SORCS3: variants seen among roughly 807,000 people sequenced by gnomAD.
The protein encoded by SORCS3 is VPS10 domain-containing receptor SorCS3.
SORCS3 carries 57 observed loss-of-function variants against 146.3 expected under a neutral mutation model. The observed-to-expected ratio is 0.39, with a 90% CI of 0.31 to 0.49. SORCS3 has a LOEUF of 0.49. SORCS3 is among the 20% of genes least tolerant of loss of function. The probability of loss-of-function intolerance (pLI) is 0.92; values close to 1 mark genes in which losing one functional copy is unlikely to be tolerated. For missense variants in SORCS3, 1,341 were observed against 1,575.5 expected, an observed-to-expected ratio of 0.85 and a Z score of 2.52; for synonymous variants, 653 against 618.5, an observed-to-expected ratio of 1.06 and a Z score of -0.83.
chr10:104,995,250 C>T (rs189606874), intron 4 of SORCS3, among the ~76,000 whole-genome samples: 10 of 150,822 alleles, frequency 6.6e-5, no homozygotes, highest in Non-Finnish European at 4.4e-5. Context: ...AACTTTGCCT[C>T]CCGGGTTCAA....
intron 2 of SORCS3, among the ~76,000 whole-genome samples, chr10:104,908,391 A>G (rs932309009): frequency 6.6e-6 from 1 of 152,254 alleles, no homozygotes; most frequent in African/African-American, 2.4e-5. Flanking sequence ...CTTGAGGACA[A>G]TACAATCAGG....
chr10:104,697,348 G>T (rs994348506), intron 1 of SORCS3, among the ~76,000 whole-genome samples: 1 of 152,152 alleles, frequency 6.6e-6, no homozygotes, highest in Non-Finnish European at 1.5e-5. Flanking sequence ...AAGGCTATGT[G>T]CATGCAGCTT....
intron 5 of SORCS3, among the ~76,000 whole-genome samples, chr10:105,052,266 C>T (rs2055418371): frequency 6.6e-6 from 1 of 152,140 alleles, no homozygotes; most frequent in African/African-American, 2.4e-5. Flanking sequence ...CACATCCACT[C>T]ACCTAATCCA....
intron 2 of SORCS3, among the ~76,000 whole-genome samples, chr10:104,844,592 T>G (rs1237586759): frequency 1.3e-5 from 2 of 152,168 alleles, no homozygotes; most frequent in Non-Finnish European, 2.9e-5. Context: ...GGTGTTCAAT[T>G]GCCAGGATTG....
rs139917595 is a variant in SORCS3 at position 105,127,964 on chromosome 10, T to A, written c.1213-11433T>A. ...TGGAAAGGCTCTGGCGTAGACACTT[T>A]AGGCTCATTCAGGGCTGCACCATGT... On this transcript the variant is annotated intron_variant, in intron 7 of 26. Transcript: ENST00000369701. 1.4e-4 allele frequency among the ~76,000 whole-genome samples: 22 copies of A among 152,318 alleles called. 1 individual carries two copies. Among genetic ancestry groups the A allele is most frequent in the East Asian group, 1.4e-3 (7 of 5,180 alleles).
intron 3 of SORCS3, among the ~76,000 whole-genome samples, chr10:104,959,074 C>T (rs1292522947): frequency 6.6e-6 from 1 of 152,098 alleles, no homozygotes; most frequent in East Asian, 1.9e-4. Context: ...GAAAGGAAAA[C>T]AGCCCTGCAG....
At chr10:104,821,999 AC>A (rs1437594615) in intron 1 of SORCS3, 3 of 473,190 alleles carry the variant, frequency 6.3e-6, no homozygotes, top group Non-Finnish European at 1.2e-5. Flanking sequence ...TGTTCAACAC[AC>A]CTGGGCACTT....
intron 9 of SORCS3, among the ~76,000 whole-genome samples, chr10:105,154,488 AG>A (rs2056191953): frequency 6.6e-6 from 1 of 152,174 alleles, no homozygotes; most frequent in African/African-American, 2.4e-5. Flanking sequence ...TGGGCCACAC[AG>A]GCTAGACACC....
intron 4 of SORCS3, among the ~76,000 whole-genome samples, chr10:105,015,941 G>A (rs942667029): frequency 2.0e-5 from 3 of 151,046 alleles, no homozygotes; most frequent in African/African-American, 7.3e-5. Context: ...TGTTGGTCAG[G>A]CTGGCCTCAA....
chr10:104,651,034 C>G (rs2015552265), intron 1 of SORCS3, among the ~76,000 whole-genome samples: 1 of 152,134 alleles, frequency 6.6e-6, no homozygotes, highest in Non-Finnish European at 1.5e-5. Context: ...CTCAAGCTGC[C>G]ATATCTGAAT....
intron 1 of SORCS3, among the ~76,000 whole-genome samples, chr10:104,652,469 T>C (rs550395032): frequency 6.7e-4 from 102 of 152,320 alleles, no homozygotes; most frequent in African/African-American, 2.1e-3. Flanking sequence ...TTGAAAAGAA[T>C]AGGGGGTGAT....
chr10:105,236,806 A>G (rs967390876), intron 20 of SORCS3, among the ~76,000 whole-genome samples: 12 of 152,150 alleles, frequency 7.9e-5, no homozygotes, highest in African/African-American at 2.4e-4. Context: ...GAGTCACTTA[A>G]TTTGAGTTTG....
At chr10:104,995,674 C>T (rs1407091532) in intron 4 of SORCS3, among the ~76,000 whole-genome samples, 6 of 152,068 alleles carry the variant, frequency 3.9e-5, no homozygotes, top group Non-Finnish European at 8.8e-5. Context: ...TTTTCAAATG[C>T]GTGATTTACG....
chr10:104,851,943 C>G (rs2018278044), intron 2 of SORCS3, among the ~76,000 whole-genome samples: 1 of 152,160 alleles, frequency 6.6e-6, no homozygotes, highest in Non-Finnish European at 1.5e-5. Flanking sequence ...GACGTCTCCT[C>G]CCTGTTACAC....
chr10:104,952,180 A>T (rs2019438160), intron 3 of SORCS3, among the ~76,000 whole-genome samples: 1 of 136,534 alleles, frequency 7.3e-6, no homozygotes, highest in Non-Finnish European at 1.6e-5. Context: ...GATTTCCTAA[A>T]TTGGACACTC....
chr10:104,727,943 C>T (rs2808441), intron 1 of SORCS3, among the ~76,000 whole-genome samples: 6 of 152,008 alleles, frequency 3.9e-5, no homozygotes, highest in African/African-American at 9.7e-5. Flanking sequence ...ACCTTCCCAT[C>T]GATGGAAAAA....
intron 2 of SORCS3, among the ~76,000 whole-genome samples, chr10:104,896,787 C>T (rs577369633): frequency 2.6e-5 from 4 of 152,272 alleles, no homozygotes; most frequent in African/African-American, 4.8e-5. Flanking sequence ...TTGACTGGCA[C>T]GCAACTGTAC....
chr10:105,227,050 T>G (rs2056737791), intron 20 of SORCS3, among the ~76,000 whole-genome samples: 1 of 151,974 alleles, frequency 6.6e-6, no homozygotes, highest in Admixed American at 6.6e-5. Flanking sequence ...GTCTCTATTT[T>G]GTTTAGTTCT....
chr10:104,691,066 G>A (rs1025821323), intron 1 of SORCS3, among the ~76,000 whole-genome samples: 4 of 152,218 alleles, frequency 2.6e-5, no homozygotes, highest in African/African-American at 9.6e-5. Flanking sequence ...GCACCCGTGG[G>A]CAGCTTGTCC....
Sources: gnomAD v4.1 joint callset for allele counts (sites outside exome capture counted in the v4.1 genomes callset) on GRCh38, gnomAD v4.1.1 for gene constraint, MANE v1.5 for transcripts, NCBI Gene and HGNC (gene_info 2026-07-23, HGNC 2026-07-21) for gene names.